CNTN4: variants seen among roughly 807,000 people sequenced by gnomAD.
The protein encoded by CNTN4 is contactin 4.
CNTN4 carries 77 observed loss-of-function variants against 122.5 expected under a neutral mutation model. The observed-to-expected ratio is 0.63, with a 90% confidence interval of 0.52 to 0.76. CNTN4 has a LOEUF of 0.76. Among genes scored for constraint, CNTN4 ranks in the 30% least tolerant of loss-of-function variants. The pLI is 0.00. For missense variants in CNTN4, 1,256 were observed against 1,259.1 expected, an observed-to-expected ratio of 1.00 and a Z score of 0.04; for synonymous variants, 512 against 447.0, an observed-to-expected ratio of 1.15 and a Z score of -1.83.
intron 2 of CNTN4, among the ~76,000 whole-genome samples, chr3:2,103,158 C>G (rs1479541854): frequency 6.6e-6 from 1 of 151,336 alleles, no homozygotes; most frequent in East Asian, 1.9e-4. Flanking sequence ...GGTTCTCTCA[C>G]TCCAGAATTG....
intron 2 of CNTN4, among the ~76,000 whole-genome samples, chr3:2,182,400 A>T (rs947947793): frequency 6.6e-6 from 1 of 152,242 alleles, no homozygotes; most frequent in Admixed American, 6.5e-5. Flanking sequence ...ATTATTTTTA[A>T]TAAAGTCTAG....
chr3:2,362,660 T>C, intron 3 of CNTN4: 1 of 407,802 alleles, frequency 2.5e-6, no homozygotes, highest in Non-Finnish European at 4.7e-6. Context: ...TTGAGATCAA[T>C]GATGAGAAGC....
chr3:2,705,346 C>T (rs1158761691), intron 4 of CNTN4, among the ~76,000 whole-genome samples: 7 of 129,516 alleles, frequency 5.4e-5, no homozygotes, highest in African/African-American at 1.2e-4. Context: ...CCAGCCTGGG[C>T]GACATAGCCA....
chr3:2,437,741 T>C (rs2048304849), intron 3 of CNTN4, among the ~76,000 whole-genome samples: 1 of 152,226 alleles, frequency 6.6e-6, no homozygotes, highest in South Asian at 2.1e-4. Flanking sequence ...GTACACACTT[T>C]GAAAAACTCT....
Position 2,619,506 on chromosome 3 carries a change from G to A in CNTN4, c.55+47948G>A, listed in dbSNP as rs2081913616. ...GTATATACCTTTATTTTGTGTTTCT[G>A]TTATCTCTTAGAGTCTTTCAAAATT... On this transcript the variant is annotated intron_variant, in intron 4 of 24. Coordinates refer to ENST00000418658, the MANE Select transcript of CNTN4 (RefSeq NM_175607.3). 2.0e-5 allele frequency among the ~76,000 whole-genome samples: 3 copies of A among 152,178 alleles called. 1 individual carries two copies. Among genetic ancestry groups the A allele is most frequent in the Admixed American group, 2.0e-4 (3 of 15,278 alleles).
intron 2 of CNTN4, among the ~76,000 whole-genome samples, chr3:2,328,364 C>G (rs551006245): frequency 3.3e-5 from 5 of 151,168 alleles, no homozygotes; most frequent in Non-Finnish European, 5.9e-5. Flanking sequence ...CAAGATGGCG[C>G]CACCGCCCTC....
chr3:2,709,971 T>C lies in CNTN4; in HGVS notation c.56-26244T>C, dbSNP rs183234317. On this transcript the variant is annotated intron_variant, in intron 4 of 24. Coordinates refer to ENST00000418658, the MANE Select transcript of CNTN4 (RefSeq NM_175607.3). The surrounding 1 kb of genome is among the most constrained non-coding windows in gnomAD (Gnocchi z 5.0). ...TGTTTCCACACTTAATGCTTATTGC[T>C]GAAACCCTCCTTTGTTAACATTTTA... is the stretch of plus-strand genomic sequence containing the variant. 1.3e-5 allele frequency among the ~76,000 whole-genome samples: 2 copies of C among 152,310 alleles called. No homozygotes were observed. The highest frequency in any genetic ancestry group is 4.8e-5 in the African/African-American group (2 of 41,576).
At chr3:2,560,151 T>C (rs116063470) in intron 3 of CNTN4, among the ~76,000 whole-genome samples, 83 of 151,556 alleles carry the variant, frequency 5.5e-4, no homozygotes, top group Admixed American at 7.9e-4. Context: ...TTTTCTTTTT[T>C]TTTTTTAAGA....
At chr3:3,037,062 A>G (rs763180751) in intron 17 of CNTN4, 117 bp from the exon 18 acceptor site, 18 of 1,189,544 alleles carry the variant, frequency 1.5e-5, no homozygotes, top group Non-Finnish European at 2.3e-5. Context: ...GAACACCTAC[A>G]CTGCCCTGAA....
chr3:2,494,259 T>A (rs965836656), intron 3 of CNTN4, among the ~76,000 whole-genome samples: 3 of 152,032 alleles, frequency 2.0e-5, no homozygotes, highest in African/African-American at 7.2e-5. Context: ...ATTTTATACA[T>A]TTTAGGGGAC....
At chr3:2,952,927 T>C (rs2094761230) in intron 13 of CNTN4, among the ~76,000 whole-genome samples, 1 of 152,198 alleles carries the variant, frequency 6.6e-6, no homozygotes, top group Non-Finnish European at 1.5e-5. Flanking sequence ...ATTTTACATA[T>C]ACTGTACCTT....
intron 2 of CNTN4, among the ~76,000 whole-genome samples, chr3:2,119,445 C>T (rs1041536142): frequency 2.6e-5 from 4 of 152,200 alleles, no homozygotes; most frequent in Non-Finnish European, 5.9e-5. Flanking sequence ...TCCTTACCCG[C>T]AAAATCAACT....
At chr3:2,650,305 G>A (rs1054036635) in intron 4 of CNTN4, among the ~76,000 whole-genome samples, 3 of 151,916 alleles carry the variant, frequency 2.0e-5, no homozygotes, top group Admixed American at 6.6e-5. Flanking sequence ...TGATTGAATC[G>A]CTGCCATCAT....
chr3:2,671,061 A>G (rs1294998317), intron 4 of CNTN4, among the ~76,000 whole-genome samples: 4 of 152,006 alleles, frequency 2.6e-5, no homozygotes, highest in Admixed American at 6.5e-5. Context: ...GAATCTGACA[A>G]TTATGTGTCT....
chr3:2,514,130 C>T lies in CNTN4; in HGVS notation c.-88-57286C>T, dbSNP rs531860994. 5.6e-4 allele frequency among the ~76,000 whole-genome samples: 86 copies of T among 152,252 alleles called. 1 individual carries two copies. The highest frequency in any genetic ancestry group is 2.7e-3 in the Admixed American group (41 of 15,290). ...ATACAGCAGCAGAGAGTTAAATCTC[C>T]TTGCATTCTTTGTTTTGGACCCTCG... On this transcript the variant is annotated intron_variant, in intron 3 of 24. Transcript: ENST00000418658.
intron 2 of CNTN4, among the ~76,000 whole-genome samples, chr3:2,248,848 G>A (rs1358587814): frequency 6.6e-6 from 1 of 151,966 alleles, no homozygotes; most frequent in African/African-American, 2.4e-5. Flanking sequence ...TTGGTGTAAT[G>A]AAATTCAGCT....
intron 4 of CNTN4, among the ~76,000 whole-genome samples, chr3:2,732,289 A>G (rs1457100499): frequency 6.6e-6 from 1 of 152,220 alleles, no homozygotes; most frequent in Non-Finnish European, 1.5e-5. Context: ...TAAAGGGCAG[A>G]TTAATGCACC....
At chr3:2,324,813 CT>C (rs142237378) in intron 2 of CNTN4, among the ~76,000 whole-genome samples, 1 of 151,682 alleles carries the variant, frequency 6.6e-6, no homozygotes, top group South Asian at 2.1e-4. Flanking sequence ...CTACCCTCCC[CT>C]AGCCCCCAAC....
chr3:2,219,923 C>T (rs1000777508), intron 2 of CNTN4, among the ~76,000 whole-genome samples: 5 of 152,084 alleles, frequency 3.3e-5, no homozygotes, highest in Non-Finnish European at 7.4e-5. Context: ...CTTCTTACAT[C>T]TCATTTGTTT....
Sources: allele counts gnomAD v4.1 joint callset (sites outside exome capture counted in the v4.1 genomes callset), GRCh38; gene constraint gnomAD v4.1.1; non-coding constraint Gnocchi (gnomAD v3.1); transcripts MANE v1.5; gene names NCBI Gene and HGNC (gene_info 2026-07-23, HGNC 2026-07-21).